KCNN2: variants seen among roughly 807,000 people sequenced by gnomAD.
KCNN2 encodes the protein potassium calcium-activated channel subfamily N member 2.
A neutral mutation model predicts 55.5 loss-of-function variants in KCNN2; 24 were observed. The observed-to-expected ratio is 0.43, with a 90% CI of 0.31 to 0.61. The LOEUF (loss-of-function observed/expected upper bound fraction) is 0.61. KCNN2 is among the 20% of genes least tolerant of loss of function. The probability of loss-of-function intolerance (pLI) is 0.08; values close to 1 mark genes in which losing one functional copy is unlikely to be tolerated. For synonymous variants in KCNN2, 431 were observed against 336.1 expected, an observed-to-expected ratio of 1.28 and a Z score of -3.09; for missense variants, 754 against 853.6, an observed-to-expected ratio of 0.88 and a Z score of 1.45.
At chr5:114,320,069 A>G (rs1756585300) in intron 2 of KCNN2, among the ~76,000 whole-genome samples, 1 of 152,198 alleles carries the variant, frequency 6.6e-6, no homozygotes, top group African/African-American at 2.4e-5. Context: ...TGGAAATTTT[A>G]ACACATAAAT....
chr5:114,110,779 C>A (rs1326886085), intron 1 of KCNN2, among the ~76,000 whole-genome samples: 2 of 151,948 alleles, frequency 1.3e-5, no homozygotes, highest in African/African-American at 4.8e-5. Flanking sequence ...ATGTCTATGT[C>A]TTTCTGAAAT....
intron 7 of KCNN2, among the ~76,000 whole-genome samples, chr5:114,495,133 T>C (rs917603115): frequency 5.3e-5 from 8 of 152,158 alleles, no homozygotes; most frequent in African/African-American, 1.9e-4. Context: ...AGACAATCAA[T>C]TTCAAGGTTC....
At chr5:114,394,838 C>T (rs1758569033) in intron 2 of KCNN2, among the ~76,000 whole-genome samples, 1 of 152,152 alleles carries the variant, frequency 6.6e-6, no homozygotes, top group South Asian at 2.1e-4. Context: ...ATCAGGCTTT[C>T]AGTTATATTA....
intron 1 of KCNN2, among the ~76,000 whole-genome samples, chr5:114,071,292 T>G (rs914618845): frequency 1.3e-5 from 2 of 152,196 alleles, no homozygotes; most frequent in Admixed American, 6.5e-5. Context: ...AGCAGCACCA[T>G]GGTAGCCCCA....
At chr5:114,092,791 G>C (rs1050994361) in intron 1 of KCNN2, among the ~76,000 whole-genome samples, 3 of 152,162 alleles carry the variant, frequency 2.0e-5, no homozygotes, top group African/African-American at 7.2e-5. Context: ...CAGTAAGTTG[G>C]CCCCCTTTAG....
chr5:114,168,270 A>G (rs1027932455), intron 1 of KCNN2, among the ~76,000 whole-genome samples: 2 of 151,992 alleles, frequency 1.3e-5, no homozygotes, highest in East Asian at 1.9e-4. Flanking sequence ...TTTAGTTTCC[A>G]TAGGATATTT....
At chr5:114,095,863 C>T (rs1437611350) in intron 1 of KCNN2, among the ~76,000 whole-genome samples, 1 of 152,052 alleles carries the variant, frequency 6.6e-6, no homozygotes, top group Non-Finnish European at 1.5e-5. Flanking sequence ...ATCCTTTGTA[C>T]ACTGTGCTGA....
chr5:114,304,242 A>G (rs1283352660), intron 2 of KCNN2, among the ~76,000 whole-genome samples: 1 of 152,174 alleles, frequency 6.6e-6, no homozygotes, highest in African/African-American at 2.4e-5. Flanking sequence ...TTTTTCCTCC[A>G]TCAGCTGGCT....
chr5:114,463,608 T>C (rs1470835350), intron 4 of KCNN2, among the ~76,000 whole-genome samples: 1 of 152,194 alleles, frequency 6.6e-6, no homozygotes, highest in African/African-American at 2.4e-5. Context: ...TATTTATTTT[T>C]CTTTCTTTTA....
At chr5:114,104,760 C>T (rs773442613) in intron 1 of KCNN2, among the ~76,000 whole-genome samples, 14 of 151,848 alleles carry the variant, frequency 9.2e-5, no homozygotes, top group African/African-American at 2.9e-4. Context: ...AGGCACACTT[C>T]CTGAGAAAAT....
chr5:114,212,099 G>C (rs1362075411), intron 1 of KCNN2, among the ~76,000 whole-genome samples: 1 of 151,856 alleles, frequency 6.6e-6, no homozygotes, highest in Non-Finnish European at 1.5e-5. Context: ...TGCCAATGAA[G>C]AAGAAACATT....
chr5:114,261,763 G>A (rs983055870), intron 2 of KCNN2, among the ~76,000 whole-genome samples: 1 of 152,186 alleles, frequency 6.6e-6, no homozygotes, highest in East Asian at 1.9e-4. Context: ...ACTTGGGTTA[G>A]TTCGCAGAAA....
At chr5:114,167,750 T>A (rs1301362516) in intron 1 of KCNN2, among the ~76,000 whole-genome samples, 1 of 152,140 alleles carries the variant, frequency 6.6e-6, no homozygotes, top group Non-Finnish European at 1.5e-5. Context: ...GACTTATGCA[T>A]TCACCTGAGA....
At chr5:114,059,095 A>T (rs1317593545) in intron 1 of KCNN2, among the ~76,000 whole-genome samples, 1 of 152,180 alleles carries the variant, frequency 6.6e-6, no homozygotes, top group Admixed American at 6.5e-5. Context: ...GGTGGTGGGC[A>T]TAGACTTGAG....
At chr5:114,120,092 A>G (rs1464269101) in intron 1 of KCNN2, among the ~76,000 whole-genome samples, 3 of 152,226 alleles carry the variant, frequency 2.0e-5, no homozygotes. Flanking sequence ...TCATTTATCC[A>G]GGAAGCTCTT....
At chr5:114,251,497 C>G (rs1029381975) in intron 2 of KCNN2, among the ~76,000 whole-genome samples, 4 of 152,174 alleles carry the variant, frequency 2.6e-5, no homozygotes, top group Admixed American at 1.3e-4. Flanking sequence ...AGTATGGTCC[C>G]TGGCACAAAG....
At chr5:114,244,012 C>A (rs375513611) in intron 2 of KCNN2, among the ~76,000 whole-genome samples, 7 of 152,264 alleles carry the variant, frequency 4.6e-5, no homozygotes, top group African/African-American at 1.7e-4. Context: ...TAAATGTTAA[C>A]CCTAAGAGAA....
At chr5:114,426,051 A>C (rs1022151806) in intron 3 of KCNN2, among the ~76,000 whole-genome samples, 5 of 151,952 alleles carry the variant, frequency 3.3e-5, no homozygotes, top group Non-Finnish European at 7.4e-5. Context: ...GCATGGTGGC[A>C]CATACCTGTA....
chr5:114,356,155 C>A (rs767607880), intron 2 of KCNN2, among the ~76,000 whole-genome samples: 7 of 152,106 alleles, frequency 4.6e-5, no homozygotes, highest in Admixed American at 6.6e-5. Flanking sequence ...TATTTGAAGT[C>A]TGGCTTCTCT....
Sources: allele counts gnomAD v4.1 joint callset (sites outside exome capture counted in the v4.1 genomes callset), GRCh38; gene constraint gnomAD v4.1.1; transcripts MANE v1.5; gene names NCBI Gene and HGNC (gene_info 2026-07-23, HGNC 2026-07-21).